The following ROCK2 variants were observed in gnomAD, a reference collection of about 807,000 sequenced individuals.
The protein encoded by ROCK2 is Rho associated coiled-coil containing protein kinase 2.
Under a neutral mutation model 195.1 loss-of-function variants are expected in ROCK2, and 61 were observed. That is an observed-to-expected ratio of 0.31 (90% CI 0.25 to 0.39). The LOEUF is 0.39. ROCK2 is among the 10% of genes least tolerant of loss of function. The probability of loss-of-function intolerance (pLI) is 1.00; values close to 1 mark genes in which losing one functional copy is unlikely to be tolerated. For synonymous variants in ROCK2, 504 were observed against 545.5 expected, an observed-to-expected ratio of 0.92 and a Z score of 1.06; for missense variants, 1,109 against 1,637.4, an observed-to-expected ratio of 0.68 and a Z score of 5.57.
At chr2:11,334,862 C>T (rs1339952265) in intron 1 of ROCK2, among the ~76,000 whole-genome samples, 1 of 148,192 alleles carries the variant, frequency 6.7e-6, no homozygotes, top group East Asian at 1.9e-4. Context: ...CTATCACTTG[C>T]TTTATAACTA....
intron 1 of ROCK2, among the ~76,000 whole-genome samples, chr2:11,317,612 A>ATATATATATT (rs59701503): frequency 1.2e-3 from 23 of 19,294 alleles, no homozygotes; most frequent in Admixed American, 1.8e-3. Context: ...ATATATATAT[A>ATATATATATT]TTTTTTTTTT....
intron 4 of ROCK2, among the ~76,000 whole-genome samples, chr2:11,247,734 T>A (rs1380303831): frequency 6.6e-6 from 1 of 152,166 alleles, no homozygotes; most frequent in African/African-American, 2.4e-5. Flanking sequence ...TATCATGGTA[T>A]GCAGGCCAGG....
chr2:11,191,443 C>T (rs1162656486), intron 32 of ROCK2, among the ~76,000 whole-genome samples: 2 of 152,122 alleles, frequency 1.3e-5, no homozygotes, highest in Admixed American at 1.3e-4. Context: ...ATTTTTAAAG[C>T]TGGTCTATGT....
chr2:11,180,848 G>A lies in ROCK2; in HGVS notation c.*2589C>T, dbSNP rs566178713. 4.6e-5 allele frequency: 7 copies of A among 152,270 alleles called. No homozygotes were observed. The highest frequency in any genetic ancestry group is 8.8e-5 in the Non-Finnish European group (6 of 68,026). 9.4% of individuals were successfully genotyped at this position (152,270 alleles called of 1,614,324 possible). ...TGCACTCATGTATGTACATGAAAGC[G>A]GCAATGCGGTAAAAAGCGAATTCTT... On this transcript the variant is annotated 3_prime_UTR_variant, in exon 33 of 33. Coordinates refer to ENST00000315872, the MANE Select transcript of ROCK2 (RefSeq NM_004850.5).
intron 18 of ROCK2, among the ~76,000 whole-genome samples, chr2:11,209,016 C>T (rs1664159382): frequency 6.6e-6 from 1 of 152,152 alleles, no homozygotes; most frequent in Admixed American, 6.5e-5. Context: ...ATAGTTCTAC[C>T]TTTATTTATA....
At chr2:11,243,534 T>C (rs921644275) in intron 4 of ROCK2, among the ~76,000 whole-genome samples, 1 of 152,210 alleles carries the variant, frequency 6.6e-6, no homozygotes, top group African/African-American at 2.4e-5. Flanking sequence ...ACTCCTGATA[T>C]GACAGCATGA....
At chr2:11,231,357 G>A (rs972347418) in intron 5 of ROCK2, among the ~76,000 whole-genome samples, 2 of 151,904 alleles carry the variant, frequency 1.3e-5, no homozygotes, top group South Asian at 2.1e-4. Context: ...ATAGGCCCGC[G>A]CCATCATGCC....
rs1223405819 is a variant in ROCK2 at position 11,218,432 on chromosome 2, T to C, written c.1332+23A>G. 1.9e-6 allele frequency: 3 copies of C among 1,550,708 alleles called. No homozygotes were observed. The African/African-American group carries it at 4.1e-5, about 21-fold the overall frequency. ...TGATGAGCTTTTCTCAGTTTTTCAA[T>C]ATATCTGACAACATCAACATACCTC... is the stretch of plus-strand genomic sequence containing the variant. On this transcript the variant is annotated intron_variant, in intron 11 of 32. Transcript: ENST00000315872.
At chr2:11,316,704 T>C (rs1466686734) in intron 1 of ROCK2, among the ~76,000 whole-genome samples, 1 of 152,156 alleles carries the variant, frequency 6.6e-6, no homozygotes, top group Non-Finnish European at 1.5e-5. Flanking sequence ...CTTTAAGACG[T>C]AAACATTTTA....
chr2:11,335,099 T>A (rs2148272316), intron 1 of ROCK2, among the ~76,000 whole-genome samples: 1 of 136,646 alleles, frequency 7.3e-6, no homozygotes, highest in South Asian at 2.4e-4. Flanking sequence ...AATAGTTCCC[T>A]TTGACTGATA....
chr2:11,193,329 T>C (rs1313199018), intron 30 of ROCK2, among the ~76,000 whole-genome samples: 1 of 152,132 alleles, frequency 6.6e-6, no homozygotes, highest in Non-Finnish European at 1.5e-5. Flanking sequence ...GTTTGACTAA[T>C]TTTAAAATGG....
At chr2:11,256,684 GT>G (rs1572320318) in intron 3 of ROCK2, among the ~76,000 whole-genome samples, 4 of 151,196 alleles carry the variant, frequency 2.6e-5, no homozygotes, top group African/African-American at 9.9e-5. Context: ...GGGTAAAAAA[GT>G]TGGTATATAA....
intron 1 of ROCK2, among the ~76,000 whole-genome samples, chr2:11,306,249 GACTC>G (rs1362660841): frequency 6.6e-6 from 1 of 152,098 alleles, no homozygotes; most frequent in East Asian, 1.9e-4. Context: ...AGGGACTTTG[GACTC>G]ACTATTTCCT....
At chr2:11,208,583 ATTTTCTTTTTTTC>A (rs1664138205) in intron 18 of ROCK2, 136 bp from the exon 19 acceptor site, 1 of 443,546 alleles carries the variant, frequency 2.3e-6, no homozygotes, top group Non-Finnish European at 3.7e-6. Flanking sequence ...TATTCTATTA[ATTTTCTTTTTTTC>A]TTTTCTTTTT....
intron 20 of ROCK2, among the ~76,000 whole-genome samples, chr2:11,205,662 A>G (rs570513604): frequency 1.6e-4 from 24 of 151,398 alleles, no homozygotes; most frequent in Non-Finnish European, 3.1e-4. Flanking sequence ...CTGAATAACT[A>G]ATGATAAAAT....
chr2:11,305,792 T>C (rs1022335449), intron 1 of ROCK2, among the ~76,000 whole-genome samples: 1 of 152,188 alleles, frequency 6.6e-6, no homozygotes, highest in Non-Finnish European at 1.5e-5. Flanking sequence ...TTATGTAAGA[T>C]ATAAACACTA....
At chr2:11,225,421 G>T (rs1472035732) in intron 6 of ROCK2, among the ~76,000 whole-genome samples, 2 of 151,938 alleles carry the variant, frequency 1.3e-5, no homozygotes, top group African/African-American at 2.4e-5. Flanking sequence ...ATGAATTCAA[G>T]ATTTTATTTT....
At chr2:11,325,526 G>A (rs1190196250) in intron 1 of ROCK2, among the ~76,000 whole-genome samples, 1 of 152,188 alleles carries the variant, frequency 6.6e-6, no homozygotes, top group Non-Finnish European at 1.5e-5. Flanking sequence ...GAAAAATGGT[G>A]CAGCTTCAAA....
intron 1 of ROCK2, among the ~76,000 whole-genome samples, chr2:11,307,727 G>C (rs1253213245): frequency 1.3e-5 from 2 of 152,016 alleles, no homozygotes; most frequent in East Asian, 1.9e-4. Flanking sequence ...CCATATCCAC[G>C]GTTTCTGAAT....
Sources: gnomAD v4.1 joint callset for allele counts (sites outside exome capture counted in the v4.1 genomes callset) on GRCh38, gnomAD v4.1.1 for gene constraint, MANE v1.5 for transcripts, NCBI Gene and HGNC (gene_info 2026-07-23, HGNC 2026-07-21) for gene names.